The following TIAM2 variants were observed in gnomAD, a reference collection of about 807,000 sequenced individuals.
TIAM2 encodes the protein rho guanine nucleotide exchange factor TIAM2.
TIAM2 carries 80 observed loss-of-function variants against 152.9 expected under a neutral mutation model. The ratio of observed to expected loss-of-function variants is 0.52; its 90% CI spans 0.44 to 0.63. The LOEUF is 0.63. Ranked by LOEUF, TIAM2 falls within the 30% of genes least tolerant of loss-of-function variation. The pLI is 0.00. For synonymous variants in TIAM2, 804 were observed against 838.0 expected (o/e 0.96, Z 0.70); for missense variants, 1,965 against 2,120.1 (o/e 0.93, Z 1.44).
At chr6:155,251,511 T>A (rs1476511600) in intron 22 of TIAM2, among the ~76,000 whole-genome samples, 2 of 152,158 alleles carry the variant, frequency 1.3e-5, no homozygotes, top group African/African-American at 4.8e-5. Flanking sequence ...GGTCTCGAAC[T>A]CCTGACCTCA....
intron 10 of TIAM2, 122 bp from the exon 11 acceptor site, chr6:155,178,917 T>C (rs1780824525): frequency 2.5e-6 from 2 of 809,998 alleles, no homozygotes; most frequent in Admixed American, 2.7e-5. Flanking sequence ...TAGGTTTAAA[T>C]TCAGCAAATT....
rs12664008 is a variant in TIAM2, at chr6:155,165,531, G to A, written c.2361+122G>A. ...AGAATGAAATGAGGCGAGGTGGGGT[G>A]GCTCACGCCTGTAATTCTAGCACAC... On this transcript the variant is annotated intron_variant, in intron 9 of 26. Coordinates refer to ENST00000682666, the MANE Select transcript of TIAM2 (RefSeq NM_012454.4). The A allele has an allele frequency of 1.2e-3, 1,593 of 1,360,412 alleles. 29 individuals carry two copies. In the East Asian group the frequency reaches 0.032, roughly 27 times the overall value. 84.3% of individuals were successfully genotyped at this position (1,360,412 alleles called of 1,614,324 possible).
At chr6:155,197,213 C>A (rs1562350586) in intron 14 of TIAM2, among the ~76,000 whole-genome samples, 1 of 152,222 alleles carries the variant, frequency 6.6e-6, no homozygotes, top group Non-Finnish European at 1.5e-5. Context: ...CACATTTTAA[C>A]ATTTTTCTTT....
At chr6:155,053,453 C>T (rs892954237) in intron 1 of TIAM2, among the ~76,000 whole-genome samples, 1 of 144,918 alleles carries the variant, frequency 6.9e-6, no homozygotes, top group Non-Finnish European at 1.5e-5. Flanking sequence ...CCGCTCCTGG[C>T]CTATTCTTGC....
intron 1 of TIAM2, among the ~76,000 whole-genome samples, chr6:155,006,926 A>G (rs1778411878): frequency 6.6e-6 from 1 of 152,046 alleles, no homozygotes; most frequent in Admixed American, 6.6e-5. Context: ...CTTGACCTCA[A>G]GTGATCCACT....
rs56117781 is a variant in TIAM2 at position 155,102,767 on chromosome 6, TTGTGTGTGTGTGTGTG to T, written c.-118+12416_-118+12431del. Among the ~76,000 whole-genome samples the T allele has an allele frequency of 3.6e-3, 520 of 145,756 alleles. 3 individuals carry two copies. Among genetic ancestry groups the T allele is most frequent in the African/African-American group, 0.011 (421 of 39,406 alleles). The stretch of plus-strand genomic sequence containing the variant: ...ATGGTGTTTTTTATGGATTAATTTA[TTGTGTGTGTGTGTGTG>T]TGTGTGTGTGTGTGTGTGTGTGTGT... On this transcript the variant is annotated intron_variant, in intron 2 of 26. Transcript: ENST00000682666.
chr6:155,108,758 T>C (rs1778758612), intron 2 of TIAM2, among the ~76,000 whole-genome samples: 1 of 152,056 alleles, frequency 6.6e-6, no homozygotes, highest in African/African-American at 2.4e-5. Flanking sequence ...GTCTTGGTGG[T>C]CTGAGATTGT....
intron 1 of TIAM2, among the ~76,000 whole-genome samples, chr6:155,033,909 G>T (rs1776870064): frequency 6.6e-6 from 1 of 151,986 alleles, no homozygotes; most frequent in East Asian, 1.9e-4. Flanking sequence ...TAGAGACGGG[G>T]TTTCACTGTG....
chr6:155,094,108 CA>C (rs1028539352), intron 2 of TIAM2, among the ~76,000 whole-genome samples: 1 of 152,032 alleles, frequency 6.6e-6, no homozygotes, highest in East Asian at 1.9e-4. Flanking sequence ...AAGAATTTTA[CA>C]AAAAAGCCAA....
At chr6:155,010,655 A>C (rs888405978) in intron 1 of TIAM2, among the ~76,000 whole-genome samples, 1 of 151,938 alleles carries the variant, frequency 6.6e-6, no homozygotes, top group Non-Finnish European at 1.5e-5. Flanking sequence ...GGGTTTCTCC[A>C]TGTTGGTCAG....
intron 1 of TIAM2, among the ~76,000 whole-genome samples, chr6:155,054,252 CG>C (rs1313130870): frequency 6.6e-6 from 1 of 152,100 alleles, no homozygotes; most frequent in Non-Finnish European, 1.5e-5. Context: ...GAGAGGCACT[CG>C]TACTCTGTGC....
intron 2 of TIAM2, among the ~76,000 whole-genome samples, chr6:155,119,857 A>T (rs1489851131): frequency 6.6e-6 from 1 of 152,244 alleles, no homozygotes; most frequent in Non-Finnish European, 1.5e-5. Flanking sequence ...TAGTTTCATG[A>T]AACAAATTTT....
chr6:155,179,191 C>A, intron 11 of TIAM2, 48 bp downstream of exon 11: 2 of 1,534,206 alleles, frequency 1.3e-6, no homozygotes, highest in South Asian at 2.3e-5. Flanking sequence ...ACATCTATGG[C>A]CCTTTGATTT....
intron 2 of TIAM2, among the ~76,000 whole-genome samples, chr6:155,111,658 T>C (rs1231873463): frequency 6.6e-6 from 1 of 152,194 alleles, no homozygotes; most frequent in African/African-American, 2.4e-5. Context: ...CCTCCTCTTG[T>C]GCGTGCAATT....
At chr6:155,114,181 G>A (rs981203927) in intron 2 of TIAM2, among the ~76,000 whole-genome samples, 2 of 148,936 alleles carry the variant, frequency 1.3e-5, no homozygotes, top group Non-Finnish European at 3.0e-5. Context: ...AGGCTCCTGA[G>A]TAGCTGGGAT....
At chr6:155,220,589 TTC>T (rs35911070) in intron 15 of TIAM2, among the ~76,000 whole-genome samples, 44,181 of 151,914 alleles carry the variant, frequency 0.29, 7,434 homozygotes, top group East Asian at 0.5. Flanking sequence ...CCCCTTTCCT[TTC>T]TGTCTTTGGA....
intron 1 of TIAM2, among the ~76,000 whole-genome samples, chr6:155,007,853 A>G (rs1459002711): frequency 6.6e-6 from 1 of 152,198 alleles, no homozygotes; most frequent in Non-Finnish European, 1.5e-5. Flanking sequence ...TTGCCATTGC[A>G]GGAGTCTTGG....
intron 2 of TIAM2, among the ~76,000 whole-genome samples, chr6:155,125,778 C>A (rs1033071542): frequency 6.6e-6 from 1 of 151,646 alleles, no homozygotes; most frequent in Non-Finnish European, 1.5e-5. Flanking sequence ...GCGGAGGTTG[C>A]AGTGAGCCGA....
intron 1 of TIAM2, among the ~76,000 whole-genome samples, chr6:155,023,811 C>G (rs573709810): frequency 4.1e-4 from 63 of 152,300 alleles, no homozygotes; most frequent in Admixed American, 1.7e-3. Context: ...CCGTAAACCA[C>G]TTGTTGAGCC....
Sources: gnomAD v4.1 joint callset for allele counts (sites outside exome capture counted in the v4.1 genomes callset) on GRCh38, gnomAD v4.1.1 for gene constraint, MANE v1.5 for transcripts, NCBI Gene and HGNC (gene_info 2026-07-23, HGNC 2026-07-21) for gene names.